The following DSCAML1 variants were observed in gnomAD, a reference collection of about 807,000 sequenced individuals.
DSCAML1 encodes the protein cell adhesion molecule DSCAML1.
A neutral mutation model predicts 200.5 loss-of-function variants in DSCAML1; 38 were observed. The observed-to-expected ratio is 0.19, with a 90% CI of 0.15 to 0.25. The LOEUF (loss-of-function observed/expected upper bound fraction) is 0.25. Among genes scored for constraint, DSCAML1 ranks in the 10% least tolerant of loss-of-function variants. DSCAML1 has a pLI of 1.00. For missense variants in DSCAML1, 2,223 were observed against 2,858.8 expected (o/e 0.78, Z 5.07); for synonymous variants, 1,215 against 1,165.0 (o/e 1.04, Z -0.87).
Position 117,430,797 on chromosome 11 carries a change from C to T in DSCAML1, c.5611G>A (p.Ala1871Thr), listed in dbSNP as rs1325027652. Residue 1871 changes from alanine to threonine, a missense_variant, in exon 32 of 33, where the codon GCC becomes ACC. Transcript: ENST00000651296. The part of the protein sequence containing the change: ...PSEPGICRFT[A>T]SPPKPQDADR... The stretch of plus-strand genomic sequence containing the variant: ...GCATCCTGGGGCTTGGGTGGTGAGG[C>T]GGTAAAGCGGCAGATGCCAGGCTCT... 5.0e-6 allele frequency: 8 copies of T among 1,614,018 alleles called. No homozygotes were observed. Among genetic ancestry groups the T allele is most frequent in the East Asian group, 4.5e-5 (2 of 44,880 alleles).
chr11:117,528,934 C>A (rs7126416), intron 4 of DSCAML1, among the ~76,000 whole-genome samples: 38,044 of 133,824 alleles, frequency 0.28, 4,823 homozygotes, highest in African/African-American at 0.4. Flanking sequence ...CGCCCCCCGC[C>A]CCCCCCCTTG....
chr11:117,726,259 G>GTC (rs2054128085), intron 3 of DSCAML1, among the ~76,000 whole-genome samples: 1 of 143,076 alleles, frequency 7.0e-6, no homozygotes, highest in African/African-American at 2.9e-5. Context: ...CTCTGTGTGT[G>GTC]TGTGTGCGTG....
chr11:117,677,143 G>A (rs985183063), intron 3 of DSCAML1, among the ~76,000 whole-genome samples: 16 of 152,222 alleles, frequency 1.1e-4, no homozygotes, highest in African/African-American at 3.9e-4. Context: ...AATTTGTGAT[G>A]ATGGCATGTA....
upstream of DSCAML1, chr11:117,801,340 C>T (rs2055655508): frequency 6.6e-6 from 1 of 152,232 alleles, no homozygotes. Flanking sequence ...GGACCAAACA[C>T]AAGGTAAATG....
At position 117,516,733 on chromosome 11, in the gene DSCAML1, G is replaced by A; in HGVS notation, c.1517C>T (p.Pro506Leu). 1 of 1,612,320 alleles carries A rather than the reference G, an allele frequency of 6.2e-7. No individual in the cohort carries two copies. The highest frequency in any genetic ancestry group is 8.5e-7 in the Non-Finnish European group (1 of 1,179,020). ...GATGTTCCGCATAGCCCGGATGCTGGGTGGGCCTGGGCAGGAGTCAGAAGA... is the reference window on the plus strand; with the variant it reads ...GATGTTCCGCATAGCCCGGATGCTGAGTGGGCCTGGGCAGGAGTCAGAAGA... ...YQARINVRGP[P>L]SIRAMRNITA... Residue 506 changes from proline (P) to leucine (L), a missense_variant, in exon 8 of 33, where the codon CCC becomes CTC. Coordinates refer to ENST00000651296, the MANE Select transcript of DSCAML1 (RefSeq NM_020693.4). This position sits in a 1 kb window ranked among gnomAD's most constrained non-coding sequence, Gnocchi z 5.7.
At position 117,809,436 on chromosome 11, in the gene DSCAML1, C is replaced by T. The variant is rs140911168; in HGVS notation, c.-250+7954G>A. ...CTGGATGTGTCTCTGCGGTCCTCCG[C>T]GGAAGGAAGCTCCAGGCCTCCGCAC... On this transcript the variant is annotated intron_variant, in intron 1 of 2. Transcript: ENST00000525836. Among the ~76,000 whole-genome samples the T allele has an allele frequency of 4.2e-3, 638 of 152,354 alleles. 4 individuals are homozygous for T. The highest frequency in any genetic ancestry group is 0.014 in the African/African-American group (562 of 41,580).
At chr11:117,655,127 C>T (rs923465876) in intron 3 of DSCAML1, among the ~76,000 whole-genome samples, 2 of 152,192 alleles carry the variant, frequency 1.3e-5, no homozygotes, top group South Asian at 2.1e-4. Flanking sequence ...CCAGCTCACA[C>T]GCAGGTCTGC....
intron 3 of DSCAML1, among the ~76,000 whole-genome samples, chr11:117,718,186 C>T (rs1048585718): frequency 6.6e-5 from 10 of 152,354 alleles, no homozygotes; most frequent in African/African-American, 2.2e-4. Context: ...ATTGCCGCGC[C>T]GGCTCCAGCC....
intron 16 of DSCAML1, among the ~76,000 whole-genome samples, chr11:117,467,839 G>A (rs7113263): frequency 0.28 from 43,046 of 151,778 alleles, 7,581 homozygotes; most frequent in East Asian, 0.55. Flanking sequence ...TCTTCACATC[G>A]ACCCCCATTC....
chr11:117,656,892 T>TGGCAGTG (rs1282151154), intron 3 of DSCAML1, among the ~76,000 whole-genome samples: 10 of 152,324 alleles, frequency 6.6e-5, no homozygotes, highest in African/African-American at 2.4e-4. Context: ...TACTAAGAGG[T>TGGCAGTG]GGCAGTGCTA....
intron 3 of DSCAML1, among the ~76,000 whole-genome samples, chr11:117,732,845 C>T (rs1253026826): frequency 2.0e-5 from 3 of 151,882 alleles, no homozygotes; most frequent in Non-Finnish European, 4.4e-5. Context: ...ATGACTAACT[C>T]GGGAGGAGGG....
At chr11:117,532,811 T>C (rs932280265) in intron 3 of DSCAML1, among the ~76,000 whole-genome samples, 4 of 151,858 alleles carry the variant, frequency 2.6e-5, no homozygotes, top group African/African-American at 9.7e-5. Context: ...AGGATACAAA[T>C]AATTGGGTGG....
At chr11:117,648,504 T>C (rs1237732066) in intron 3 of DSCAML1, among the ~76,000 whole-genome samples, 1 of 152,222 alleles carries the variant, frequency 6.6e-6, no homozygotes, top group African/African-American at 2.4e-5. Context: ...GAAAGGATTC[T>C]AGAACGTGGA....
chr11:117,704,770 C>T (rs760224739), intron 3 of DSCAML1, among the ~76,000 whole-genome samples: 1 of 152,122 alleles, frequency 6.6e-6, no homozygotes, highest in Non-Finnish European at 1.5e-5. Context: ...TAATTGTATG[C>T]GAGTCTCGGT....
intron 3 of DSCAML1, among the ~76,000 whole-genome samples, chr11:117,567,378 T>G (rs4938409): frequency 0.015 from 2,329 of 152,262 alleles, 36 homozygotes; most frequent in East Asian, 0.083. Flanking sequence ...AAATGTCTTC[T>G]TTTGAGAAGT....
intron 8 of DSCAML1, among the ~76,000 whole-genome samples, chr11:117,515,163 G>A (rs2049733622): frequency 6.6e-6 from 1 of 152,246 alleles, no homozygotes; most frequent in African/African-American, 2.4e-5. Flanking sequence ...GTAGCCTCAG[G>A]CTGCAGAGGA....
intron 3 of DSCAML1, among the ~76,000 whole-genome samples, chr11:117,750,706 T>C (rs2054592480): frequency 3.3e-5 from 5 of 152,164 alleles, no homozygotes; most frequent in Admixed American, 3.3e-4. Context: ...GTCAGAAGAC[T>C]GGTTCAGATC....
intron 3 of DSCAML1, among the ~76,000 whole-genome samples, chr11:117,631,732 T>C (rs1377149244): frequency 6.7e-6 from 1 of 150,360 alleles, no homozygotes; most frequent in African/African-American, 2.4e-5. Context: ...CATTACTCCT[T>C]CAATCAATCA....
At chr11:117,715,745 C>T (rs2053942448) in intron 3 of DSCAML1, among the ~76,000 whole-genome samples, 1 of 152,150 alleles carries the variant, frequency 6.6e-6, no homozygotes, top group African/African-American at 2.4e-5. Context: ...TTATTGGGCC[C>T]TCTTCACACA....
Sources: allele counts gnomAD v4.1 joint callset (sites outside exome capture counted in the v4.1 genomes callset), GRCh38; gene constraint gnomAD v4.1.1; non-coding constraint Gnocchi (gnomAD v3.1); transcripts MANE v1.5; gene names NCBI Gene and HGNC (gene_info 2026-07-23, HGNC 2026-07-21).